Variants in DCT observed in about 807,000 individuals in gnomAD.
DCT encodes the protein L-dopachrome tautomerase.
A neutral mutation model predicts 53.0 loss-of-function variants in DCT; 47 were observed. The observed-to-expected ratio is 0.89, with a 90% CI of 0.70 to 1.13. The LOEUF is 1.13. Ranked by LOEUF, DCT falls within the 50% of genes most tolerant of loss-of-function variation. The probability of loss-of-function intolerance (pLI) is 0.00; values close to 1 mark genes in which losing one functional copy is unlikely to be tolerated. For synonymous variants in DCT, 244 were observed against 237.0 expected (o/e 1.03, Z -0.27); for missense variants, 669 against 637.4 (o/e 1.05, Z -0.53).
At chr13:94,460,265 C>A in intron 5 of DCT, 39 bp from the exon 6 acceptor site, 2 of 1,589,760 alleles carry the variant, frequency 1.3e-6, no homozygotes, top group Non-Finnish European at 1.7e-6. Context: ...CAGACAAAGA[C>A]TGATAAAGGT....
chr13:94,456,631 C>T (rs1260428968), intron 6 of DCT, among the ~76,000 whole-genome samples: 2 of 152,128 alleles, frequency 1.3e-5, no homozygotes, highest in Admixed American at 6.5e-5. Context: ...GGCTCTAGAC[C>T]AGTTTCCTAT....
the DCT span, among the ~76,000 whole-genome samples, chr13:94,490,516 A>AAAC: frequency 1.4e-5 from 2 of 140,316 alleles, no homozygotes; most frequent in Non-Finnish European, 3.2e-5. Flanking sequence ...AAAAAAAAAA[A>AAAC]AAAAAAAAAA....
chr13:94,447,426 C>T (rs1423175937), intron 6 of DCT, among the ~76,000 whole-genome samples: 3 of 152,310 alleles, frequency 2.0e-5, no homozygotes, highest in East Asian at 3.9e-4. Flanking sequence ...GCTGATCTGA[C>T]AGGAGGCGGA....
At chr13:94,514,082 C>T in the DCT span, among the ~76,000 whole-genome samples, 1 of 151,340 alleles carries the variant, frequency 6.6e-6, no homozygotes, top group Admixed American at 6.6e-5. Context: ...AACCAGAACC[C>T]TGAGACTAGG....
the DCT span, among the ~76,000 whole-genome samples, chr13:94,488,891 T>C: frequency 1.3e-5 from 2 of 150,992 alleles, no homozygotes; most frequent in Non-Finnish European, 2.9e-5. Context: ...CAAACACACA[T>C]ATATATATAG....
At chr13:94,495,877 C>T in the DCT span, among the ~76,000 whole-genome samples, 1 of 152,072 alleles carries the variant, frequency 6.6e-6, no homozygotes, top group Non-Finnish European at 1.5e-5. Flanking sequence ...TGATATGGCA[C>T]CCCCTTAGAA....
chr13:94,505,286 G>C, the DCT span, among the ~76,000 whole-genome samples: 1 of 151,396 alleles, frequency 6.6e-6, no homozygotes, highest in Non-Finnish European at 1.5e-5. Context: ...ATTAGGGCTT[G>C]GTCTGCATTA....
chr13:94,547,711 T>C, the DCT span, among the ~76,000 whole-genome samples: 2 of 151,674 alleles, frequency 1.3e-5, no homozygotes, highest in Non-Finnish European at 2.9e-5. Context: ...AAATCTTGGC[T>C]GGGCACACTA....
chr13:94,502,367 T>G, the DCT span, among the ~76,000 whole-genome samples: 1 of 152,190 alleles, frequency 6.6e-6, no homozygotes, highest in African/African-American at 2.4e-5. Context: ...CCATTTCCAG[T>G]TGATTCTGTG....
the DCT span, among the ~76,000 whole-genome samples, chr13:94,493,823 C>T: frequency 3.9e-5 from 6 of 152,116 alleles, no homozygotes; most frequent in Admixed American, 2.6e-4. Context: ...ACAGTGAATG[C>T]ATGTCATTAT....
chr13:94,521,928 A>G, the DCT span, among the ~76,000 whole-genome samples: 3 of 152,162 alleles, frequency 2.0e-5, no homozygotes, highest in Admixed American at 2.0e-4. Context: ...TCTCCCAGCC[A>G]TAAACTTCCT....
chr13:94,472,733 C>A (rs1448947311), intron 1 of DCT, among the ~76,000 whole-genome samples: 2 of 150,866 alleles, frequency 1.3e-5, no homozygotes, highest in African/African-American at 4.9e-5. Context: ...AGGTGCACAC[C>A]ACCACACCTG....
chr13:94,438,366 C>T lies in DCT; in HGVS notation c.*1532G>A. Reference sequence around the variant, plus strand: ...TCACCACTGAGCCTGCTCTCAGATGCACCTGTAGCTTTATGAGATTCAAAT... The same window carrying T: ...TCACCACTGAGCCTGCTCTCAGATGTACCTGTAGCTTTATGAGATTCAAAT... On this transcript the variant is annotated 3_prime_UTR_variant, in exon 8 of 8. Coordinates refer to ENST00000377028, the MANE Select transcript of DCT (RefSeq NM_001922.5). 1 of 219,196 alleles carries T rather than the reference C, an allele frequency of 4.6e-6. No individual in the cohort carries two copies. Among genetic ancestry groups the T allele is most frequent in the Non-Finnish European group, 9.3e-6 (1 of 107,146 alleles). The allele number at this position is 219,196 out of a possible 1,614,324, so 13.6% of individuals were successfully genotyped here.
the DCT span, among the ~76,000 whole-genome samples, chr13:94,492,036 C>T: frequency 6.6e-6 from 1 of 152,158 alleles, no homozygotes; most frequent in Non-Finnish European, 1.5e-5. Flanking sequence ...TTTTCTCTCA[C>T]TGGACAACCA....
At chr13:94,445,053 G>T (rs1309737850) in intron 6 of DCT, among the ~76,000 whole-genome samples, 4 of 152,230 alleles carry the variant, frequency 2.6e-5, no homozygotes, top group Admixed American at 2.6e-4. Context: ...TACTAAGTAT[G>T]TGTTGGCTGA....
the DCT span, among the ~76,000 whole-genome samples, chr13:94,499,463 TGA>T: frequency 2.0e-5 from 2 of 98,714 alleles, no homozygotes; most frequent in African/African-American, 4.1e-5. Flanking sequence ...TGCATGAGAG[TGA>T]GTGTGTGTGT....
chr13:94,495,869 A>C, the DCT span, among the ~76,000 whole-genome samples: 2 of 152,188 alleles, frequency 1.3e-5, no homozygotes. Context: ...AAATAATTTG[A>C]TATGGCACCC....
chr13:94,447,785 C>A (rs1311430189), intron 6 of DCT, among the ~76,000 whole-genome samples: 1 of 151,812 alleles, frequency 6.6e-6, no homozygotes, highest in East Asian at 1.9e-4. Flanking sequence ...CTGTAAGAGG[C>A]AAATAACTTA....
intron 1 of DCT, among the ~76,000 whole-genome samples, chr13:94,475,291 A>G (rs1884996504): frequency 6.6e-6 from 1 of 152,238 alleles, no homozygotes; most frequent in Admixed American, 6.5e-5. Context: ...ACCATCTAGC[A>G]AGATAAGTAG....
Sources: gnomAD v4.1 joint callset for allele counts (sites outside exome capture counted in the v4.1 genomes callset) on GRCh38, gnomAD v4.1.1 for gene constraint, MANE v1.5 for transcripts, NCBI Gene and HGNC (gene_info 2026-07-23, HGNC 2026-07-21) for gene names.